Variants in ZER1 observed in about 807,000 individuals in gnomAD.
The protein encoded by ZER1 is zyg-11 related cell cycle regulator.
A neutral mutation model predicts 78.8 loss-of-function variants in ZER1; 11 were observed. The observed-to-expected ratio is 0.14, with a 90% confidence interval of 0.09 to 0.23. The LOEUF is 0.23. Among genes scored for constraint, ZER1 ranks in the 10% least tolerant of loss-of-function variants. The pLI, the probability that ZER1 is intolerant of heterozygous loss-of-function variation, is 1.00. For missense variants in ZER1, 588 were observed against 996.9 expected (o/e 0.59, Z 5.52); for synonymous variants, 400 against 407.0 (o/e 0.98, Z 0.21).
Position 128,760,213 on chromosome 9 carries a change from A to AT in ZER1, c.-94-4555dup, listed in dbSNP as rs565133176. Among the ~76,000 whole-genome samples, 266 of 149,620 alleles carry AT rather than the reference A, an allele frequency of 1.8e-3. 2 individuals are homozygous for AT. The highest frequency in any genetic ancestry group is 6.1e-3 in the African/African-American group (246 of 40,628). ...ATGTTATACTTCATAAAAGTTTTTTATTTTTTTGAGACGGAGTCTTGTTCT... is the reference window on the plus strand; with the variant it reads ...ATGTTATACTTCATAAAAGTTTTTTATTTTTTTTGAGACGGAGTCTTGTTCT... On this transcript the variant is annotated intron_variant, in intron 1 of 15. Transcript: ENST00000291900.
At chr9:128,734,399 G>A (rs751152652) in intron 14 of ZER1, among the ~76,000 whole-genome samples, 2 of 151,024 alleles carry the variant, frequency 1.3e-5, no homozygotes, top group South Asian at 2.1e-4. Flanking sequence ...GTTTCACTAT[G>A]TTGGCCAGGG....
intron 15 of ZER1, 30 bp downstream of exon 15, chr9:128,733,396 C>G (rs746900804): frequency 6.2e-7 from 1 of 1,606,790 alleles, no homozygotes; most frequent in South Asian, 1.1e-5. Flanking sequence ...AACCAAGGTT[C>G]CAGGCAGAAA....
rs1863098752 is a variant in ZER1, at chr9:128,736,758, GAC to G, written c.2043-1329_2043-1328del. On this transcript the variant is annotated intron_variant, in intron 13 of 15. Transcript: ENST00000291900. ...CATGATCACAGCTCACTGCAGCCTT[GAC>G]CTTCCAGGCCATGCAAGTGTTCCTC... is the stretch of plus-strand genomic sequence containing the variant. Among the ~76,000 whole-genome samples, 4 of 148,352 alleles carry G rather than the reference GAC, an allele frequency of 2.7e-5. No individual in the cohort carries two copies. The South Asian group carries it at 8.5e-4, about 32-fold the overall frequency.
In ZER1 at chr9:128,739,902, C is replaced by G. The variant is rs376940498; in HGVS notation, c.2042+29G>C. 1.1e-5 allele frequency: 18 copies of G among 1,590,066 alleles called. No homozygotes were observed. In the African/African-American group the frequency reaches 1.6e-4, roughly 14 times the overall value. On this transcript the variant is annotated intron_variant, in intron 13 of 15. Coordinates refer to ENST00000291900, the MANE Select transcript of ZER1 (RefSeq NM_006336.4). ...CCAGCACTTACCCCATATTCCACAC[C>G]GCATCCCCGCTCCCTGCCCTGCCCA...
Position 128,753,792 on chromosome 9 carries a change from G to A in ZER1, c.309+17C>T. ...TTGGTGTGGGCCCTCCTGGCGCTGTGGCGGGGCAGGTCTCACCTGCTTGCG... is the reference window on the plus strand; with the variant it reads ...TTGGTGTGGGCCCTCCTGGCGCTGTAGCGGGGCAGGTCTCACCTGCTTGCG... On this transcript the variant is annotated intron_variant, in intron 3 of 15. Coordinates refer to ENST00000291900, the MANE Select transcript of ZER1 (RefSeq NM_006336.4). The surrounding 1 kb of genome is among the most constrained non-coding windows in gnomAD (Gnocchi z 7.5). 1.3e-6 allele frequency: 2 copies of A among 1,547,938 alleles called. No homozygotes were observed. Among genetic ancestry groups the A allele is most frequent in the Non-Finnish European group, 1.7e-6 (2 of 1,150,072 alleles).
chr9:128,770,939 G>A (rs1021929182), intron 1 of ZER1, among the ~76,000 whole-genome samples: 4 of 152,198 alleles, frequency 2.6e-5, no homozygotes, highest in African/African-American at 9.6e-5. Flanking sequence ...GGAGGCTGGA[G>A]CGGGCGGATC....
rs1185966990 is a variant in ZER1, at chr9:128,735,782, T to G, written c.2043-351A>C. 7.3e-5 allele frequency among the ~76,000 whole-genome samples: 10 copies of G among 137,050 alleles called. No homozygotes were observed. In the East Asian group the frequency reaches 1.1e-3, roughly 15 times the overall value. 89.9% of individuals were successfully genotyped at this position (137,050 alleles called of 152,430 possible). A position where few individuals can be genotyped will look rare whatever the true frequency, so the allele number is the denominator to read the frequency against. ...CCTGGTTTTTTTTTTTTTTTTTTTT[T>G]TTTTTTTTTTTGTGAGACGGAGTTT... On this transcript the variant is annotated intron_variant, in intron 13 of 15. Coordinates refer to ENST00000291900, the MANE Select transcript of ZER1 (RefSeq NM_006336.4).
At position 128,733,497 on chromosome 9, in the gene ZER1, T is replaced by C. The variant is rs1170056889; in HGVS notation, c.2172A>G (p.Glu724=). 6.2e-7 allele frequency: 1 copy of C among 1,613,748 alleles called. No homozygotes were observed. The highest frequency in any genetic ancestry group is 8.5e-7 in the Non-Finnish European group (1 of 1,179,926). ...PDKYCPLLIK[E]GGMPLLRDII... Reference sequence around the variant, plus strand: ...TGTCCCTCAGAAGGGGCATCCCCCCTTCTTTGATCAGCAGAGGGCAGTACT... The same window carrying C: ...TGTCCCTCAGAAGGGGCATCCCCCCCTCTTTGATCAGCAGAGGGCAGTACT... Residue 724 remains glutamate, a synonymous_variant, in exon 15 of 16, where the codon GAA becomes GAG. Transcript: ENST00000291900.
At chr9:128,771,545 GCAGGTACGTCC>G (rs1330286392) in intron 1 of ZER1, 25 bp downstream of exon 1, 1 of 152,466 alleles carries the variant, frequency 6.6e-6, no homozygotes, top group Admixed American at 6.5e-5. Context: ...GGAGGAGGAC[GCAGGTACGTCC>G]CTTGGCCCGG....
At chr9:128,735,760 G>GTT (rs779646793) in intron 13 of ZER1, among the ~76,000 whole-genome samples, 175 of 16,194 alleles carry the variant, frequency 0.011, 63 homozygotes, top group East Asian at 0.018. Flanking sequence ...CGTGTGACCT[G>GTT]GTTTTTTTTT....
chr9:128,763,083 T>A (rs1424192075), intron 1 of ZER1, among the ~76,000 whole-genome samples: 1 of 152,116 alleles, frequency 6.6e-6, no homozygotes, highest in Non-Finnish European at 1.5e-5. Flanking sequence ...CTTTGCCCAG[T>A]CTGTTCTCTT....
chr9:128,743,702 G>T (rs1173601332), intron 8 of ZER1, among the ~76,000 whole-genome samples: 1 of 151,596 alleles, frequency 6.6e-6, no homozygotes, highest in African/African-American at 2.4e-5. Flanking sequence ...TTCTAGGCAT[G>T]AGCAACTGCA....
At chr9:128,771,323 G>C (rs1162272203) in intron 1 of ZER1, among the ~76,000 whole-genome samples, 1 of 152,192 alleles carries the variant, frequency 6.6e-6, no homozygotes, top group Non-Finnish European at 1.5e-5. Context: ...GGGGCAGAGG[G>C]TGGCCCTTTC....
intron 8 of ZER1, among the ~76,000 whole-genome samples, chr9:128,749,037 A>G (rs960474886): frequency 1.2e-4 from 18 of 146,284 alleles, no homozygotes; most frequent in African/African-American, 4.5e-4. Flanking sequence ...ATATATATAT[A>G]TATATTGTGG....
chr9:128,769,006 C>G (rs1019802551), intron 1 of ZER1, among the ~76,000 whole-genome samples: 1 of 152,064 alleles, frequency 6.6e-6, no homozygotes, highest in Non-Finnish European at 1.5e-5. Flanking sequence ...TCTCAAACTC[C>G]TGGCCTCAAG....
intron 1 of ZER1, among the ~76,000 whole-genome samples, chr9:128,770,505 C>T (rs1174100197): frequency 6.6e-6 from 1 of 152,194 alleles, no homozygotes; most frequent in African/African-American, 2.4e-5. Flanking sequence ...AACTACCTGG[C>T]TTGCTCCCTC....
Position 128,753,444 on chromosome 9 carries a change from A to G in ZER1, c.466T>C (p.Tyr156His). 6.2e-7 allele frequency: 1 copy of G among 1,614,124 alleles called. No homozygotes were observed. The highest frequency in any genetic ancestry group is 1.1e-5 in the South Asian group (1 of 91,084). Residue 156 changes from tyrosine to histidine, a missense_variant, in exon 4 of 16, where the codon TAC becomes CAC. By Grantham distance (83) the Tyr-to-His change is moderately conservative. This residue lies in a region of ZER1 where 406 missense variants were observed against 660.1 expected (regional missense o/e 0.62). Coordinates refer to ENST00000291900, the MANE Select transcript of ZER1 (RefSeq NM_006336.4). This position sits in a 1 kb window ranked among gnomAD's most constrained non-coding sequence, Gnocchi z 7.5. ...ACCTGGCAGGTGGGGTTGACGAGGT[A>G]CTCATCTTCACAGCCCCCTGGGTTC... ...EENPGGCEDE[Y>H]LVNPTCQVLV...
chr9:128,753,723 G>A lies in ZER1; in HGVS notation c.309+86C>T. 1 of 1,561,920 alleles carries A rather than the reference G, an allele frequency of 6.4e-7. No individual in the cohort carries two copies. The highest frequency in any genetic ancestry group is 1.9e-5 in the Admixed American group (1 of 53,608). ...TGCACAGTCACGGTGCACACTGGCTGGGCTGGGGATGGCTGGGCTGGAGGC... is the reference window on the plus strand; with the variant it reads ...TGCACAGTCACGGTGCACACTGGCTAGGCTGGGGATGGCTGGGCTGGAGGC... On this transcript the variant is annotated intron_variant, in intron 3 of 15. Coordinates refer to ENST00000291900, the MANE Select transcript of ZER1 (RefSeq NM_006336.4). The surrounding 1 kb of genome is among the most constrained non-coding windows in gnomAD (Gnocchi z 7.5).
rs1042850164 is a variant in ZER1, at chr9:128,767,431, C to T, written c.-95+4150G>A. Among the ~76,000 whole-genome samples the T allele has an allele frequency of 2.6e-5, 4 of 151,444 alleles. 1 individual carries two copies. In the Middle Eastern group the frequency reaches 0.01, roughly 386 times the overall value. ...TGGCTAATTTTTTTATTTTTTGTAG[C>T]GATGAGGGCTCACCATGTTGCCCAG... On this transcript the variant is annotated intron_variant, in intron 1 of 15. Transcript: ENST00000291900.
Sources: allele counts gnomAD v4.1 joint callset (sites outside exome capture counted in the v4.1 genomes callset), GRCh38; gene constraint gnomAD v4.1.1; regional missense constraint gnomAD v4.1.1; non-coding constraint Gnocchi (gnomAD v3.1); transcripts MANE v1.5; gene names NCBI Gene and HGNC (gene_info 2026-07-23, HGNC 2026-07-21).